Variants in LRRC72 observed in about 807,000 individuals in gnomAD.
The protein encoded by LRRC72 is leucine-rich repeat-containing protein 72.
A neutral mutation model predicts 35.8 loss-of-function variants in LRRC72; 41 were observed. The observed-to-expected ratio is 1.15, with a 90% CI of 0.89 to 1.49. LRRC72 has a LOEUF of 1.49. LRRC72 is among the 40% of genes most tolerant of loss of function. The probability of loss-of-function intolerance (pLI) is 0.00; values close to 1 mark genes in which losing one functional copy is unlikely to be tolerated. For missense variants in LRRC72, 389 were observed against 330.7 expected (o/e 1.18, Z -1.37); for synonymous variants, 118 against 119.2 (o/e 0.99, Z 0.07).
intron 1 of LRRC72, among the ~76,000 whole-genome samples, chr7:16,529,369 G>A (rs1015073684): frequency 6.6e-6 from 1 of 152,074 alleles, no homozygotes; most frequent in African/African-American, 2.4e-5. Flanking sequence ...ATCTTCCAGC[G>A]TGTCCAGGCT....
At chr7:16,567,567 A>G (rs1782871113) in intron 7 of LRRC72, 24 bp downstream of exon 7, 1 of 1,415,540 alleles carries the variant, frequency 7.1e-7, no homozygotes, top group Non-Finnish European at 9.3e-7. Context: ...AAAAAAAAAA[A>G]AACAAATTTA....
At chr7:16,563,871 A>G (rs1782783521) in intron 5 of LRRC72, among the ~76,000 whole-genome samples, 1 of 152,230 alleles carries the variant, frequency 6.6e-6, no homozygotes, top group Non-Finnish European at 1.5e-5. Flanking sequence ...TTTTTACTTT[A>G]GGATGAGATG....
At chr7:16,577,856 T>A (rs918776415) in intron 7 of LRRC72, among the ~76,000 whole-genome samples, 1 of 152,116 alleles carries the variant, frequency 6.6e-6, no homozygotes, top group African/African-American at 2.4e-5. Flanking sequence ...ATCCAACAAG[T>A]AGGCAGAAGT....
At chr7:16,554,790 A>G (rs992334996) in intron 3 of LRRC72, among the ~76,000 whole-genome samples, 9 of 152,212 alleles carry the variant, frequency 5.9e-5, no homozygotes, top group African/African-American at 1.9e-4. Context: ...TGGGAAAACC[A>G]TGATTCTATA....
At chr7:16,569,381 C>T (rs935498571) in intron 7 of LRRC72, among the ~76,000 whole-genome samples, 1 of 152,012 alleles carries the variant, frequency 6.6e-6, no homozygotes, top group Admixed American at 6.5e-5. Context: ...AGCCATTGCA[C>T]TCTAGCCTGG....
At chr7:16,552,556 T>C (rs537223326) in intron 3 of LRRC72, among the ~76,000 whole-genome samples, 1 of 152,242 alleles carries the variant, frequency 6.6e-6, no homozygotes, top group South Asian at 2.1e-4. Context: ...TGGATCTTCT[T>C]TTTAGTTTGG....
chr7:16,548,416 C>T (rs1782488426), intron 3 of LRRC72, among the ~76,000 whole-genome samples: 1 of 152,146 alleles, frequency 6.6e-6, no homozygotes, highest in South Asian at 2.1e-4. Context: ...GAGCTGAGGC[C>T]CTTTGGGGAA....
chr7:16,528,098 G>T (rs1000432957), intron 1 of LRRC72, among the ~76,000 whole-genome samples: 1 of 152,128 alleles, frequency 6.6e-6, no homozygotes, highest in Non-Finnish European at 1.5e-5. Context: ...TTTTCTGAGT[G>T]ACATCCTCCA....
chr7:16,577,997 G>A (rs1408502798), intron 7 of LRRC72, among the ~76,000 whole-genome samples: 1 of 152,158 alleles, frequency 6.6e-6, no homozygotes, highest in East Asian at 1.9e-4. Context: ...CAAACCATTT[G>A]ACACAGCAAC....
intron 1 of LRRC72, among the ~76,000 whole-genome samples, chr7:16,527,558 C>T (rs1319163263): frequency 6.6e-6 from 1 of 151,716 alleles, no homozygotes; most frequent in Non-Finnish European, 1.5e-5. Flanking sequence ...ATTTGATGAG[C>T]CCTACAAGCA....
intron 5 of LRRC72, among the ~76,000 whole-genome samples, chr7:16,565,141 T>G (rs1303255171): frequency 6.6e-6 from 1 of 152,206 alleles, no homozygotes; most frequent in Non-Finnish European, 1.5e-5. Flanking sequence ...GTAGGTGGAA[T>G]CCGAATAACT....
intron 2 of LRRC72, among the ~76,000 whole-genome samples, chr7:16,534,372 G>A (rs554996873): frequency 7.9e-5 from 12 of 152,252 alleles, no homozygotes; most frequent in East Asian, 7.7e-4. Flanking sequence ...CCCTTCTGAC[G>A]TGAAAGAGTT....
intron 8 of LRRC72, 80 bp from the exon 9 acceptor site, chr7:16,581,244 C>T: frequency 8.0e-7 from 1 of 1,247,092 alleles, no homozygotes; most frequent in Non-Finnish European, 1.1e-6. Context: ...GGCATTGATT[C>T]ATTTGAATAA....
intron 3 of LRRC72, among the ~76,000 whole-genome samples, chr7:16,556,264 T>C (rs142192889): frequency 6.6e-6 from 1 of 152,220 alleles, no homozygotes; most frequent in South Asian, 2.1e-4. Flanking sequence ...ACTTCTTCAC[T>C]ATATTGTTAG....
At chr7:16,557,920 C>A (rs779303006) in intron 4 of LRRC72, among the ~76,000 whole-genome samples, 68 of 152,080 alleles carry the variant, frequency 4.5e-4, no homozygotes, top group Non-Finnish European at 7.4e-4. Context: ...AAGCACAGTA[C>A]AAAACACTTT....
chr7:16,571,977 G>A (rs569715499), intron 7 of LRRC72, among the ~76,000 whole-genome samples: 24 of 152,304 alleles, frequency 1.6e-4, no homozygotes, highest in African/African-American at 5.5e-4. Context: ...ACAACAGTCT[G>A]AAGTCGACCT....
At chr7:16,537,561 C>A in intron 2 of LRRC72, 66 bp from the exon 3 acceptor site, 2 of 963,870 alleles carry the variant, frequency 2.1e-6, no homozygotes, top group East Asian at 2.7e-5. Context: ...ATACTAACTA[C>A]ATGCCCAGAC....
chr7:16,547,652 C>T (rs2128336107), intron 3 of LRRC72, among the ~76,000 whole-genome samples: 1 of 152,372 alleles, frequency 6.6e-6, no homozygotes, highest in Non-Finnish European at 1.5e-5. Flanking sequence ...TGATCCCAAG[C>T]CTGGGCGCTG....
chr7:16,566,234 T>TA (rs1782835885), intron 5 of LRRC72, 79 bp from the exon 6 acceptor site: 16 of 792,256 alleles, frequency 2.0e-5, no homozygotes, highest in Admixed American at 7.9e-5. Flanking sequence ...ACGAATCTCT[T>TA]AATTTTTTGT....
Sources: gnomAD v4.1 joint callset for allele counts (sites outside exome capture counted in the v4.1 genomes callset) on GRCh38, gnomAD v4.1.1 for gene constraint, MANE v1.5 for transcripts, NCBI Gene and HGNC (gene_info 2026-07-23, HGNC 2026-07-21) for gene names.